The following KDM5B variants were observed in gnomAD, a reference collection of about 807,000 sequenced individuals.
The protein encoded by KDM5B is lysine-specific demethylase 5B.
Under a neutral mutation model 193.4 loss-of-function variants are expected in KDM5B, and 144 were observed. The ratio of observed to expected loss-of-function variants is 0.74; its 90% confidence interval spans 0.65 to 0.86. The LOEUF (loss-of-function observed/expected upper bound fraction) is 0.86, where lower values mean the gene tolerates loss of function less well. Ranked by LOEUF, KDM5B falls within the 40% of genes least tolerant of loss-of-function variation. The probability of loss-of-function intolerance (pLI) is 0.00; values close to 1 mark genes in which losing one functional copy is unlikely to be tolerated. For missense variants in KDM5B, 1,833 were observed against 1,886.9 expected, an observed-to-expected ratio of 0.97 and a Z score of 0.53; for synonymous variants, 668 against 682.6, an observed-to-expected ratio of 0.98 and a Z score of 0.33.
chr1:202,748,571 A>T (rs1486760392), intron 14 of KDM5B, among the ~76,000 whole-genome samples: 3 of 151,934 alleles, frequency 2.0e-5, no homozygotes, highest in African/African-American at 4.8e-5. Flanking sequence ...CAAATGTTTT[A>T]AAAAAATAAA....
At chr1:202,774,578 T>C in intron 3 of KDM5B, 35 bp downstream of exon 3, 1 of 1,578,104 alleles carries the variant, frequency 6.3e-7, no homozygotes, top group East Asian at 2.2e-5. Flanking sequence ...GTCAGTAAGA[T>C]TATAAAATAA....
intron 25 of KDM5B, 77 bp from the exon 26 acceptor site, chr1:202,730,104 T>C (rs1654827979): frequency 4.0e-6 from 5 of 1,247,032 alleles, no homozygotes; most frequent in Middle Eastern, 3.9e-4. Context: ...AAAGAGAACA[T>C]GTAAATTAGA....
intron 1 of KDM5B, among the ~76,000 whole-genome samples, chr1:202,779,350 G>C (rs190117509): frequency 1.1e-4 from 17 of 151,850 alleles, no homozygotes; most frequent in Non-Finnish European, 2.5e-4. Flanking sequence ...GTGGTGGCAC[G>C]CGGCTGTAGT....
intron 22 of KDM5B, among the ~76,000 whole-genome samples, chr1:202,734,368 T>C (rs1156858118): frequency 2.2e-5 from 2 of 91,172 alleles, no homozygotes; most frequent in Non-Finnish European, 4.5e-5. Flanking sequence ...AAAAAAAAAA[T>C]CCACTTCTTT....
At chr1:202,785,737 C>T (rs1657383949) in intron 1 of KDM5B, among the ~76,000 whole-genome samples, 2 of 152,082 alleles carry the variant, frequency 1.3e-5, no homozygotes, top group African/African-American at 4.8e-5. Context: ...TGGCAAAACC[C>T]AGTCTCTATT....
In KDM5B at chr1:202,752,936, T is replaced by C; in HGVS notation, c.1670A>G (p.Asn557Ser). ...DLLHQLVTIM[N>S]PNTLMTHEVP... is the part of the protein sequence containing the mutation. ...TTCATGAGTCATCAGGGTATTGGGG[T>C]TCATGATGGTCACAAGCTGATGGAG... The change falls in exon 12 of 27, where the codon AAC becomes AGC. Residue 557 changes from asparagine to serine, a missense_variant. Transcript: ENST00000367265. 6.2e-7 allele frequency: 1 copy of C among 1,613,956 alleles called. No homozygotes were observed. Among genetic ancestry groups the C allele is most frequent in the Non-Finnish European group, 8.5e-7 (1 of 1,179,978 alleles).
rs1654655338 is a variant in KDM5B, at chr1:202,725,771, A to G, written c.*3265T>C. On this transcript the variant is annotated 3_prime_UTR_variant, in exon 27 of 27. Coordinates refer to ENST00000367265, the MANE Select transcript of KDM5B (RefSeq NM_006618.5). ...CTGGCTTAATGCTTTACAATGGGCA[A>G]TGACTCTTAAAATCCTTGTTGTCCA... 1 of 152,266 alleles carries G rather than the reference A, an allele frequency of 6.6e-6. No homozygotes were observed. The highest frequency in any genetic ancestry group is 1.5e-5 in the Non-Finnish European group (1 of 68,052). The allele number at this position is 152,266 out of a possible 1,614,324, so 9.4% of individuals were successfully genotyped here.
chr1:202,736,319 A>G lies in KDM5B; in HGVS notation c.3158T>C (p.Leu1053Pro), dbSNP rs1655092474. Residue 1053 changes from leucine to proline, a missense_variant, in exon 21 of 27, where the codon CTG becomes CCG. This residue lies in a region of KDM5B where 1,379 missense variants were observed against 1,349.6 expected (regional missense o/e 1.02). Coordinates refer to ENST00000367265, the MANE Select transcript of KDM5B (RefSeq NM_006618.5). ...GGTTTCCAGTCTTGGCAAAGAATTC[A>G]GATGTACGGGGATAGATCGGCCTCG... ...VTRGRSIPVH[L>P]NSLPRLETLV... 1.2e-6 allele frequency: 2 copies of G among 1,612,878 alleles called. No homozygotes were observed. The highest frequency in any genetic ancestry group is 1.7e-6 in the Non-Finnish European group (2 of 1,179,432).
chr1:202,777,020 C>G lies in KDM5B; in HGVS notation c.279G>C (p.Leu93Phe), dbSNP rs1656984812. 1 of 1,604,268 alleles carries G rather than the reference C, an allele frequency of 6.2e-7. No individual in the cohort carries two copies. ...AGAACAATAGTGAAGACATTACCTC[C>G]AATTCATTCAGTCTCTGGATACGTG... ...FTPRIQRLNELEAQTRVKLNF... is the reference protein window; with the variant it reads ...FTPRIQRLNEFEAQTRVKLNF... Residue 93 changes from leucine to phenylalanine, a missense_variant, in exon 2 of 27, where the codon TTG (leucine) becomes TTC (phenylalanine). Physicochemically the swap from Leu to Phe is conservative, Grantham distance 22. Transcript: ENST00000367265.
intron 1 of KDM5B, among the ~76,000 whole-genome samples, chr1:202,783,199 C>T (rs1009816568): frequency 4.6e-5 from 7 of 152,092 alleles, no homozygotes; most frequent in Admixed American, 2.0e-4. Context: ...ACCCAGGAGG[C>T]GGAGGTGGCA....
In KDM5B at chr1:202,733,629, A is replaced by C; in HGVS notation, c.3681T>G (p.Pro1227=). 6.2e-7 allele frequency: 1 copy of C among 1,614,086 alleles called. No individual in the cohort carries two copies. The highest frequency in any genetic ancestry group is 8.5e-7 in the Non-Finnish European group (1 of 1,179,998). ...LCPHCRRSEK[P]PLEKILPLLA... ...GCAGGGGCAGAATTTTCTCTAATGG[A>C]GGTTTCTCTGACCTCCGACAATGGG... The change falls in exon 23 of 27, where the codon CCT becomes CCG. Residue 1227 remains proline, a synonymous_variant. Transcript: ENST00000367265.
intron 21 of KDM5B, among the ~76,000 whole-genome samples, chr1:202,735,881 A>C (rs1402822793): frequency 6.6e-6 from 1 of 152,220 alleles, no homozygotes; most frequent in Non-Finnish European, 1.5e-5. Context: ...AGTGCAGTTA[A>C]AGCACTTTTA....
At chr1:202,795,911 A>T (rs1558519320) in intron 1 of KDM5B, 1 of 152,234 alleles carries the variant, frequency 6.6e-6, no homozygotes, top group Non-Finnish European at 1.5e-5. Flanking sequence ...ATAATAAAAT[A>T]TAGGGAGTAA....
intron 14 of KDM5B, chr1:202,746,632 T>A (rs1194330157): frequency 4.4e-6 from 1 of 227,050 alleles, no homozygotes; most frequent in Non-Finnish European, 8.5e-6. Flanking sequence ...CAAATTAGCC[T>A]TGTCCACATT....
rs1471344531 is a variant in KDM5B, at chr1:202,808,242, G to A, written c.64C>T (p.Pro22Ser). 1.2e-6 allele frequency: 2 copies of A among 1,611,512 alleles called. No individual in the cohort carries two copies. Among genetic ancestry groups the A allele is most frequent in the African/African-American group, 2.7e-5 (2 of 74,856 alleles). Residue 22 changes from proline to serine, a missense_variant, in exon 1 of 27, where the codon CCG (proline) becomes TCG (serine). Around this residue, in one of 3 missense-constraint regions of KDM5B, gnomAD observed 355 missense variants for 374.9 expected, o/e 0.95. Transcript: ENST00000367265. ...GGTGGAGGCAGGAACTCGCCCAGCGGGCCCGGGCCCCCGAGGGGCAGCGCC... is the reference window on the plus strand; with the variant it reads ...GGTGGAGGCAGGAACTCGCCCAGCGAGCCCGGGCCCCCGAGGGGCAGCGCC... ...RPALPLGGPG[P>S]LGEFLPPPEC...
intron 20 of KDM5B, 98 bp downstream of exon 20, chr1:202,740,576 G>T: frequency 8.3e-7 from 1 of 1,207,848 alleles, no homozygotes; most frequent in Non-Finnish European, 1.1e-6. Flanking sequence ...GGCTGGCCGG[G>T]TCGGGGGCTG....
At chr1:202,782,047 G>A (rs1174682119) in intron 1 of KDM5B, among the ~76,000 whole-genome samples, 1 of 152,036 alleles carries the variant, frequency 6.6e-6, no homozygotes, top group Non-Finnish European at 1.5e-5. Flanking sequence ...AATGAATCCT[G>A]AAAATGATTC....
chr1:202,767,290 T>G (rs1238906943), intron 4 of KDM5B: 1 of 1,609,416 alleles, frequency 6.2e-7, no homozygotes, highest in Non-Finnish European at 8.5e-7. Context: ...AGATCCAAAG[T>G]ACAAACACAT....
chr1:202,755,964 T>C (rs1446011938), intron 10 of KDM5B, among the ~76,000 whole-genome samples: 1 of 143,412 alleles, frequency 7.0e-6, no homozygotes, highest in East Asian at 2.2e-4. Context: ...TGTAATACTT[T>C]CAAAGAAAAC....
Sources: allele counts gnomAD v4.1 joint callset (sites outside exome capture counted in the v4.1 genomes callset), GRCh38; gene constraint gnomAD v4.1.1; regional missense constraint gnomAD v4.1.1; transcripts MANE v1.5; gene names NCBI Gene and HGNC (gene_info 2026-07-23, HGNC 2026-07-21).